Variants in EFR3B observed in about 807,000 individuals in gnomAD.
EFR3B encodes EFR3 homolog B.
EFR3B carries 64 observed loss-of-function variants against 104.7 expected under a neutral mutation model. The ratio of observed to expected loss-of-function variants is 0.61; its 90% CI spans 0.50 to 0.75. The LOEUF (loss-of-function observed/expected upper bound fraction) is 0.75, where lower values mean the gene tolerates loss of function less well. EFR3B is among the 30% of genes least tolerant of loss of function. EFR3B has a pLI of 0.00. For missense variants in EFR3B, 750 were observed against 1,078.5 expected, an observed-to-expected ratio of 0.70 and a Z score of 4.27; for synonymous variants, 385 against 417.9, an observed-to-expected ratio of 0.92 and a Z score of 0.96.
chr2:25,066,199 G>T lies in EFR3B; in HGVS notation c.7+23880G>T, dbSNP rs114569639. Among the ~76,000 whole-genome samples, 262 of 152,306 alleles carry T rather than the reference G, an allele frequency of 1.7e-3. 3 individuals are homozygous for T. Among genetic ancestry groups the T allele is most frequent in the African/African-American group, 6.0e-3 (250 of 41,558 alleles). ...CTGGACACTTATAGTTCAGGGCCTT[G>T]TCTTGCTCTTCTTCCAGGATAGGGA... On this transcript the variant is annotated intron_variant, in intron 1 of 22. Transcript: ENST00000403714.
At position 25,051,070 on chromosome 2, in the gene EFR3B, G is replaced by A. The variant is rs561182720; in HGVS notation, c.7+8751G>A. Among the ~76,000 whole-genome samples, 5 of 152,176 alleles carry A rather than the reference G, an allele frequency of 3.3e-5. No homozygotes were observed. The South Asian group carries it at 1.0e-3, about 32-fold the overall frequency. Reference sequence around the variant, plus strand: ...TCAGCTGCCTCCTGGTTTGCTCATGGAGGCTCCACCCCCCTTTGCAGTTGT... The same window carrying A: ...TCAGCTGCCTCCTGGTTTGCTCATGAAGGCTCCACCCCCCTTTGCAGTTGT... On this transcript the variant is annotated intron_variant, in intron 1 of 22. Transcript: ENST00000403714.
At position 25,130,740 on chromosome 2, in the gene EFR3B, C is replaced by G. The variant is rs1670305271; in HGVS notation, c.849+110C>G. ...GTCCCCTGTGACTCCTCCGAAGCCC[C>G]CAGTTGCCGAAACCAGTGCTGCTTA... On this transcript the variant is annotated intron_variant, in intron 8 of 22. Transcript: ENST00000403714. The surrounding 1 kb of genome is among the most constrained non-coding windows in gnomAD (Gnocchi z 4.6). The G allele has an allele frequency of 1.0e-6, 1 of 1,004,766 alleles. No homozygotes were observed. The highest frequency in any genetic ancestry group is 2.0e-4 in the Middle Eastern group (1 of 4,910). 62.2% of individuals were successfully genotyped at this position (1,004,766 alleles called of 1,614,324 possible). A position where few individuals can be genotyped will look rare whatever the true frequency, so the allele number is the denominator to read the frequency against.
At chr2:25,055,298 T>C (rs1489636640) in intron 1 of EFR3B, among the ~76,000 whole-genome samples, 1 of 152,238 alleles carries the variant, frequency 6.6e-6, no homozygotes, top group African/African-American at 2.4e-5. Flanking sequence ...CCAAATTGAA[T>C]ATTTTCATAG....
intron 19 of EFR3B, among the ~76,000 whole-genome samples, chr2:25,149,339 C>T (rs1301567312): frequency 6.6e-6 from 1 of 152,184 alleles, no homozygotes; most frequent in Non-Finnish European, 1.5e-5. Flanking sequence ...CAGAGTAAGA[C>T]TCTGTCTCAA....
At chr2:25,078,074 C>A (rs1668686106) in intron 1 of EFR3B, among the ~76,000 whole-genome samples, 1 of 152,172 alleles carries the variant, frequency 6.6e-6, no homozygotes, top group Non-Finnish European at 1.5e-5. Flanking sequence ...ATATCCTTGA[C>A]CTTAAATGTG....
At chr2:25,072,474 A>G (rs1668525219) in intron 1 of EFR3B, among the ~76,000 whole-genome samples, 6 of 151,924 alleles carry the variant, frequency 3.9e-5, no homozygotes, top group Admixed American at 3.9e-4. Context: ...TAGAGACAGA[A>G]TTTCACTATG....
rs1670489432 is a variant in EFR3B at position 25,135,339 on chromosome 2, G to A, written c.1312-128G>A. 3 of 1,096,192 alleles carry A rather than the reference G, an allele frequency of 2.7e-6. 1 individual carries two copies. The South Asian group carries it at 4.7e-5, about 17-fold the overall frequency. The allele number at this position is 1,096,192 out of a possible 1,614,324, so 67.9% of individuals were successfully genotyped here. On this transcript the variant is annotated intron_variant, in intron 12 of 22. Coordinates refer to ENST00000403714, the MANE Select transcript of EFR3B (RefSeq NM_014971.2). ...TTGCCTGGGCTGTAGGGTAGGGGAG[G>A]CTGGATTGGGCGATGTCTAGAGAGG...
intron 1 of EFR3B, among the ~76,000 whole-genome samples, chr2:25,072,117 C>T (rs548100577): frequency 9.9e-5 from 15 of 152,160 alleles, no homozygotes; most frequent in African/African-American, 1.4e-4. Context: ...TATGAAGCTC[C>T]GGGAGTGGGG....
chr2:25,107,930 G>A (rs1558604577), intron 4 of EFR3B, among the ~76,000 whole-genome samples: 1 of 151,450 alleles, frequency 6.6e-6, no homozygotes, highest in Admixed American at 6.6e-5. Context: ...TGCAACCTCC[G>A]CCTCCCAGGT....
intron 4 of EFR3B, among the ~76,000 whole-genome samples, chr2:25,106,344 C>A (rs1669562462): frequency 6.6e-6 from 1 of 151,990 alleles, no homozygotes; most frequent in African/African-American, 2.4e-5. Context: ...GGATGGAGTG[C>A]ACTGGCATGA....
chr2:25,058,771 C>T (rs75334274), intron 1 of EFR3B, among the ~76,000 whole-genome samples: 1 of 135,134 alleles, frequency 7.4e-6, no homozygotes, highest in Non-Finnish European at 1.6e-5. Flanking sequence ...CGCGCCCCCC[C>T]CCCCAAAAAA....
chr2:25,113,104 A>C (rs1279624262), intron 4 of EFR3B, among the ~76,000 whole-genome samples: 2 of 152,162 alleles, frequency 1.3e-5, no homozygotes, highest in Admixed American at 1.3e-4. Context: ...TGTATATAAA[A>C]AGCTGAAACT....
intron 1 of EFR3B, among the ~76,000 whole-genome samples, chr2:25,055,118 C>G (rs1438177195): frequency 1.3e-5 from 2 of 152,192 alleles, no homozygotes; most frequent in South Asian, 2.1e-4. Context: ...TGCTGAGATT[C>G]AGGAGTTCAA....
chr2:25,121,854 T>C, intron 5 of EFR3B, 60 bp downstream of exon 5: 1 of 1,547,800 alleles, frequency 6.5e-7, no homozygotes, highest in South Asian at 1.2e-5. Context: ...CGGTGGGTCC[T>C]GTAGATAACT....
At chr2:25,082,020 G>A (rs540517193) in intron 1 of EFR3B, among the ~76,000 whole-genome samples, 1 of 152,330 alleles carries the variant, frequency 6.6e-6, no homozygotes, top group East Asian at 1.9e-4. Context: ...CAGGCCAAAG[G>A]AGAAACAGGG....
intron 11 of EFR3B, among the ~76,000 whole-genome samples, 171 bp downstream of exon 11, chr2:25,133,185 G>C (rs947091934): frequency 1.3e-5 from 2 of 152,106 alleles, no homozygotes; most frequent in Admixed American, 1.3e-4. Context: ...TTCTCAGGCT[G>C]CCCCACCAAT....
Position 25,125,760 on chromosome 2 carries a change from A to G in EFR3B, c.486-2423A>G, listed in dbSNP as rs530014514. Among the ~76,000 whole-genome samples the G allele has an allele frequency of 8.5e-5, 13 of 152,300 alleles. No homozygotes were observed. In the South Asian group the frequency reaches 1.0e-3, roughly 12 times the overall value. ...TCAGCAGATCGAGACCATCCTGGCT[A>G]ACACGGTGAAACCCTGTCTCTACTA... On this transcript the variant is annotated intron_variant, in intron 5 of 22. Transcript: ENST00000403714.
chr2:25,051,761 G>T (rs977516382), intron 1 of EFR3B, among the ~76,000 whole-genome samples: 1 of 149,990 alleles, frequency 6.7e-6, no homozygotes, highest in African/African-American at 2.4e-5. Flanking sequence ...TCAGCCTCCC[G>T]AGTAGCTGGG....
chr2:25,079,635 T>C (rs1668734174), intron 1 of EFR3B, among the ~76,000 whole-genome samples: 1 of 152,212 alleles, frequency 6.6e-6, no homozygotes, highest in South Asian at 2.1e-4. Context: ...CCAACAATAA[T>C]AAACAGACAT....
Sources: allele counts gnomAD v4.1 joint callset (sites outside exome capture counted in the v4.1 genomes callset), GRCh38; gene constraint gnomAD v4.1.1; non-coding constraint Gnocchi (gnomAD v3.1); transcripts MANE v1.5; gene names NCBI Gene and HGNC (gene_info 2026-07-23, HGNC 2026-07-21).